The following GRIA1 variants were observed in gnomAD, a reference collection of about 807,000 sequenced individuals.
GRIA1 encodes the protein glutamate ionotropic receptor AMPA type subunit 1.
Under a neutral mutation model 99.2 loss-of-function variants are expected in GRIA1, and 31 were observed. The observed-to-expected ratio is 0.31, with a 90% CI of 0.23 to 0.42. The LOEUF (loss-of-function observed/expected upper bound fraction) is 0.42, where lower values mean the gene tolerates loss of function less well. Ranked by LOEUF, GRIA1 falls within the 10% of genes least tolerant of loss-of-function variation. The pLI is 1.00. For synonymous variants in GRIA1, 438 were observed against 432.4 expected, an observed-to-expected ratio of 1.01 and a Z score of -0.16; for missense variants, 782 against 1,157.5, an observed-to-expected ratio of 0.68 and a Z score of 4.71.
chr5:153,776,089 G>C (rs1028262418), intron 13 of GRIA1, among the ~76,000 whole-genome samples: 4 of 152,164 alleles, frequency 2.6e-5, no homozygotes, highest in Non-Finnish European at 5.9e-5. Flanking sequence ...GATTGGACAG[G>C]CTCCTGGAGA....
rs564283354 is a variant in GRIA1 at position 153,726,435 on chromosome 5, A to C, written c.1823+20368A>C. ...TAGAGACACAAAAAACCCTTCAAAA[A>C]ATTAATGAATCCAGGAGCTGGTTTT... On this transcript the variant is annotated intron_variant, in intron 11 of 15. Transcript: ENST00000285900. Among the ~76,000 whole-genome samples, 39 of 149,228 alleles carry C rather than the reference A, an allele frequency of 2.6e-4. 1 individual carries two copies. In the East Asian group the frequency reaches 6.2e-3, roughly 24 times the overall value.
At chr5:153,503,573 A>C (rs1755211020) in intron 2 of GRIA1, among the ~76,000 whole-genome samples, 1 of 152,232 alleles carries the variant, frequency 6.6e-6, no homozygotes, top group Non-Finnish European at 1.5e-5. Context: ...ATTACCCATA[A>C]ATGAATCTAT....
intron 11 of GRIA1, among the ~76,000 whole-genome samples, chr5:153,715,468 G>T (rs1356595102): frequency 6.6e-6 from 1 of 152,018 alleles, no homozygotes; most frequent in Admixed American, 6.6e-5. Flanking sequence ...ATTGAATTCT[G>T]ACTCTACTAC....
At chr5:153,622,458 T>C (rs1767145075) in intron 2 of GRIA1, among the ~76,000 whole-genome samples, 1 of 152,140 alleles carries the variant, frequency 6.6e-6, no homozygotes, top group African/African-American at 2.4e-5. Flanking sequence ...AAAGTCCTGA[T>C]GTTAGGTTTG....
intron 2 of GRIA1, among the ~76,000 whole-genome samples, chr5:153,626,275 TGGGACATATTTA>T (rs1314855383): frequency 7.2e-5 from 11 of 152,132 alleles, no homozygotes; most frequent in Non-Finnish European, 1.0e-4. Context: ...AGGTAAAGTG[TGGGACATATTTA>T]GGGCAGAGTG....
chr5:153,777,104 A>G (rs1404535443), intron 13 of GRIA1, among the ~76,000 whole-genome samples: 1 of 152,194 alleles, frequency 6.6e-6, no homozygotes, highest in Non-Finnish European at 1.5e-5. Context: ...CTGGTTTAAA[A>G]TGCCCTTTCC....
intron 5 of GRIA1, among the ~76,000 whole-genome samples, chr5:153,665,942 A>C (rs1403525425): frequency 6.6e-6 from 1 of 152,224 alleles, no homozygotes. Context: ...CTTATTTTGC[A>C]GATCAATCAA....
At chr5:153,756,873 A>G (rs1327449224) in intron 11 of GRIA1, among the ~76,000 whole-genome samples, 1 of 152,232 alleles carries the variant, frequency 6.6e-6, no homozygotes, top group Non-Finnish European at 1.5e-5. Context: ...CAAAGACTAG[A>G]ATAAATATCT....
intron 2 of GRIA1, among the ~76,000 whole-genome samples, chr5:153,593,103 T>A (rs375957669): frequency 1.3e-5 from 2 of 152,176 alleles, no homozygotes; most frequent in African/African-American, 4.8e-5. Flanking sequence ...CTGTCTTTAC[T>A]AAAAATACAA....
chr5:153,647,039 C>T lies in GRIA1; in HGVS notation c.332C>T (p.Pro111Leu), dbSNP rs1404893868. ...CGALHVCFITPSFPVDTSNQF... is the reference protein window; with the variant it reads ...CGALHVCFITLSFPVDTSNQF... ...GCCCTCCACGTCTGCTTCATTACGC[C>T]GAGCTTTCCCGTTGATACATCCAAT... is the stretch of plus-strand genomic sequence containing the variant. Residue 111 changes from proline to leucine, a missense_variant, in exon 3 of 16, where the codon CCG becomes CTG. Coordinates refer to ENST00000285900, the MANE Select transcript of GRIA1 (RefSeq NM_000827.4). 3 of 1,613,830 alleles carry T rather than the reference C, an allele frequency of 1.9e-6. No individual in the cohort carries two copies. The highest frequency in any genetic ancestry group is 1.3e-5 in the African/African-American group (1 of 74,898).
At chr5:153,698,295 C>G (rs574536841) in intron 9 of GRIA1, 141 bp downstream of exon 9, 7 of 515,696 alleles carry the variant, frequency 1.4e-5, no homozygotes, top group Admixed American at 6.4e-5. Context: ...AAGGGAATGC[C>G]CTGAAAATGA....
chr5:153,574,313 AC>A (rs1762359062), intron 2 of GRIA1: 1 of 152,194 alleles, frequency 6.6e-6, no homozygotes, highest in South Asian at 2.1e-4. Context: ...ATTAATAGTA[AC>A]AACAATAAAT....
intron 2 of GRIA1, among the ~76,000 whole-genome samples, chr5:153,601,389 T>A (rs1237901615): frequency 6.6e-6 from 1 of 152,210 alleles, no homozygotes; most frequent in Non-Finnish European, 1.5e-5. Flanking sequence ...ACAAAGAGAC[T>A]TTTTTTAATA....
intron 15 of GRIA1, among the ~76,000 whole-genome samples, chr5:153,804,245 C>T (rs1260074086): frequency 6.6e-6 from 1 of 152,196 alleles, no homozygotes; most frequent in Non-Finnish European, 1.5e-5. Flanking sequence ...CTCCAGGTCC[C>T]TCTCATGTCC....
chr5:153,564,754 G>A (rs1206111509), intron 2 of GRIA1, among the ~76,000 whole-genome samples: 2 of 152,226 alleles, frequency 1.3e-5, no homozygotes, highest in African/African-American at 4.8e-5. Context: ...GACAGAGAGA[G>A]AGAGAGTAAA....
intron 13 of GRIA1, among the ~76,000 whole-genome samples, chr5:153,787,789 CT>C (rs1460552321): frequency 6.6e-6 from 1 of 152,126 alleles, no homozygotes; most frequent in Non-Finnish European, 1.5e-5. Flanking sequence ...ACAAAACTGA[CT>C]CTCCACTTGG....
intron 2 of GRIA1, among the ~76,000 whole-genome samples, chr5:153,543,674 T>C (rs1171670120): frequency 2.0e-5 from 3 of 152,220 alleles, no homozygotes; most frequent in Non-Finnish European, 4.4e-5. Flanking sequence ...GAGATAATTC[T>C]AGCATTTATG....
chr5:153,523,016 A>ATCTCTC (rs61177262), intron 2 of GRIA1, among the ~76,000 whole-genome samples: 4,726 of 141,500 alleles, frequency 0.033, 92 homozygotes, highest in South Asian at 0.047. Context: ...TGTTCCTGAT[A>ATCTCTC]TCTCTCTCTC....
chr5:153,720,837 C>T (rs987203181), intron 11 of GRIA1, among the ~76,000 whole-genome samples: 6 of 152,208 alleles, frequency 3.9e-5, no homozygotes, highest in African/African-American at 1.4e-4. Context: ...CTCCTTAGTA[C>T]CATAAAGAAT....
Sources: gnomAD v4.1 joint callset for allele counts (sites outside exome capture counted in the v4.1 genomes callset) on GRCh38, gnomAD v4.1.1 for gene constraint, MANE v1.5 for transcripts, NCBI Gene and HGNC (gene_info 2026-07-23, HGNC 2026-07-21) for gene names.